The following NT5M variants were observed in gnomAD, a reference collection of about 807,000 sequenced individuals.
The protein encoded by NT5M is 5',3'-nucleotidase, mitochondrial.
In NT5M, 22 loss-of-function variants were observed where a neutral mutation model predicts 22.2. The observed-to-expected ratio is 0.99, with a 90% CI of 0.71 to 1.41. NT5M has a LOEUF of 1.41. Among genes scored for constraint, NT5M ranks in the 40% most tolerant of loss-of-function variants. NT5M has a pLI of 0.00. For missense variants in NT5M, 322 were observed against 314.8 expected (o/e 1.02, Z -0.17); for synonymous variants, 167 against 133.0 (o/e 1.26, Z -1.76).
intron 2 of NT5M, among the ~76,000 whole-genome samples, chr17:17,319,118 G>A (rs1241982420): frequency 1.3e-5 from 2 of 151,508 alleles, no homozygotes; most frequent in African/African-American, 4.9e-5. Context: ...GGAGGCTGAG[G>A]TAGAAGAATT....
rs551710532 is a variant in NT5M, at chr17:17,336,406, A to G, written c.430-8388A>G. 5.4e-4 allele frequency among the ~76,000 whole-genome samples: 82 copies of G among 152,004 alleles called. 1 individual carries two copies. In the South Asian group the frequency reaches 0.015, roughly 28 times the overall value. ...TACTAACCATCCTCCTACTATCTCC[A>G]TGAGTTCAATTGTTTTAATTTTTAG... On this transcript the variant is annotated intron_variant, in intron 3 of 4. Transcript: ENST00000389022.
intron 3 of NT5M, 73 bp from the exon 4 acceptor site, chr17:17,344,721 C>G (rs185438360): frequency 1.3e-6 from 2 of 1,569,158 alleles, no homozygotes; most frequent in Non-Finnish European, 1.7e-6. Flanking sequence ...GACCCCTGCC[C>G]TCGGCTCTTG....
chr17:17,322,764 C>T (rs1359336583), intron 2 of NT5M, among the ~76,000 whole-genome samples: 2 of 152,202 alleles, frequency 1.3e-5, no homozygotes, highest in Non-Finnish European at 2.9e-5. Flanking sequence ...TGGCGCTCCT[C>T]ACGCGGAGCC....
rs1266412416 is a variant in NT5M, at chr17:17,306,587, A to G, written c.312A>G (p.Glu104=). 2 of 1,614,036 alleles carry G rather than the reference A, an allele frequency of 1.2e-6. No homozygotes were observed. The highest frequency in any genetic ancestry group is 1.7e-6 in the Non-Finnish European group (2 of 1,180,000). The change falls in exon 2 of 5, where the codon GAA becomes GAG. Residue 104 remains glutamate (E), a synonymous_variant. Transcript: ENST00000389022. Reference sequence around the variant, plus strand: ...GGGAGTCAAAGAATTTCTTTTTTGAACTTGAGCCTCTGCCAGGGGCCGTGG... The same window carrying G: ...GGGAGTCAAAGAATTTCTTTTTTGAGCTTGAGCCTCTGCCAGGGGCCGTGG... ...SIWESKNFFF[E]LEPLPGAVEA... is the part of the protein sequence containing the mutation.
chr17:17,334,831 T>G (rs945286818), intron 3 of NT5M, among the ~76,000 whole-genome samples: 3 of 152,202 alleles, frequency 2.0e-5, no homozygotes, highest in Non-Finnish European at 4.4e-5. Flanking sequence ...TTATTCTTCA[T>G]TTTAAAAATT....
chr17:17,303,764 C>T lies in NT5M; in HGVS notation c.214C>T (p.Arg72Trp), dbSNP rs535130047. ...PDQPFIALED[R>W]RGFWVSEQYG... ...CCAGCCCTTCATCGCGCTGGAGGACCGGCGCGGCTTCTGGGTGTCGGAGCA... is the reference window on the plus strand; with the variant it reads ...CCAGCCCTTCATCGCGCTGGAGGACTGGCGCGGCTTCTGGGTGTCGGAGCA... The change falls in exon 1 of 5, where the codon CGG (arginine) becomes TGG (tryptophan). Residue 72 changes from arginine to tryptophan, a missense_variant. Coordinates refer to ENST00000389022, the MANE Select transcript of NT5M (RefSeq NM_020201.4). 2 of 1,585,488 alleles carry T rather than the reference C, an allele frequency of 1.3e-6. No homozygotes were observed. Among genetic ancestry groups the T allele is most frequent in the South Asian group, 1.1e-5 (1 of 87,720 alleles).
At chr17:17,331,947 A>AT (rs1342298727) in intron 3 of NT5M, among the ~76,000 whole-genome samples, 9 of 151,034 alleles carry the variant, frequency 6.0e-5, no homozygotes, top group Non-Finnish European at 1.3e-4. Context: ...TGCCTGGCTA[A>AT]TTTTTTGTAT....
chr17:17,318,951 C>T (rs569911101), intron 2 of NT5M, among the ~76,000 whole-genome samples: 4 of 151,462 alleles, frequency 2.6e-5, no homozygotes, highest in East Asian at 3.9e-4. Flanking sequence ...TGGCTCACCC[C>T]TGTAATCCCA....
chr17:17,336,809 A>G (rs1434691987), intron 3 of NT5M, among the ~76,000 whole-genome samples: 1 of 152,148 alleles, frequency 6.6e-6, no homozygotes, highest in Non-Finnish European at 1.5e-5. Context: ...TCGGCCTTCC[A>G]AAGTGCTGGG....
chr17:17,313,591 C>T (rs1240985485), intron 2 of NT5M, among the ~76,000 whole-genome samples: 1 of 152,228 alleles, frequency 6.6e-6, no homozygotes, highest in African/African-American at 2.4e-5. Flanking sequence ...ACCCTCATGA[C>T]TATTTATCCA....
chr17:17,324,014 A>G (rs2049212024), intron 3 of NT5M, among the ~76,000 whole-genome samples: 1 of 152,014 alleles, frequency 6.6e-6, no homozygotes, highest in Non-Finnish European at 1.5e-5. Flanking sequence ...TGGGATTACA[A>G]GTGCCTACCA....
At chr17:17,303,874 A>G in intron 1 of NT5M, 57 bp downstream of exon 1, 2 of 1,321,896 alleles carry the variant, frequency 1.5e-6, no homozygotes. Context: ...AGCCCCAGAC[A>G]CCGCCCCTGC....
intron 3 of NT5M, among the ~76,000 whole-genome samples, chr17:17,338,074 A>C (rs1171021736): frequency 2.0e-5 from 3 of 152,100 alleles, no homozygotes. Context: ...TTGCATATGG[A>C]TATCCAGTTT....
intron 3 of NT5M, 107 bp downstream of exon 3, chr17:17,323,352 C>T: frequency 6.5e-6 from 6 of 928,632 alleles, no homozygotes; most frequent in Admixed American, 1.7e-5. Context: ...CAGCACTCCC[C>T]CACCTCTGTG....
At chr17:17,335,770 C>G (rs1010424612) in intron 3 of NT5M, among the ~76,000 whole-genome samples, 1 of 151,460 alleles carries the variant, frequency 6.6e-6, no homozygotes, top group African/African-American at 2.4e-5. Flanking sequence ...GTAGCTGGAA[C>G]TACAGGCACG....
intron 2 of NT5M, among the ~76,000 whole-genome samples, chr17:17,319,875 G>A (rs558816700): frequency 6.6e-6 from 1 of 152,152 alleles, no homozygotes; most frequent in East Asian, 1.9e-4. Flanking sequence ...ACGGAGTCTC[G>A]CTCTGTCGTC....
chr17:17,306,268 C>T (rs2048798008), intron 1 of NT5M, among the ~76,000 whole-genome samples: 1 of 152,222 alleles, frequency 6.6e-6, no homozygotes, highest in African/African-American at 2.4e-5. Flanking sequence ...TGATTGGCCT[C>T]AGGTCCCAGA....
At chr17:17,323,353 C>T (rs1053179421) in intron 3 of NT5M, 108 bp downstream of exon 3, 3 of 915,752 alleles carry the variant, frequency 3.3e-6, no homozygotes, top group Non-Finnish European at 5.4e-6. Flanking sequence ...AGCACTCCCC[C>T]ACCTCTGTGA....
At chr17:17,316,965 C>T (rs1357038171) in intron 2 of NT5M, among the ~76,000 whole-genome samples, 4 of 151,262 alleles carry the variant, frequency 2.6e-5, no homozygotes, top group Middle Eastern at 3.2e-3. Context: ...CCACCCGCCT[C>T]GGCCTCCCAA....
Sources: allele counts gnomAD v4.1 joint callset (sites outside exome capture counted in the v4.1 genomes callset), GRCh38; gene constraint gnomAD v4.1.1; transcripts MANE v1.5; gene names NCBI Gene and HGNC (gene_info 2026-07-23, HGNC 2026-07-21).